GUCY2C: variants seen among roughly 807,000 people sequenced by gnomAD.
GUCY2C encodes guanylate cyclase 2C, also known as guanylyl cyclase C.
A neutral mutation model predicts 131.1 loss-of-function variants in GUCY2C; 118 were observed. The observed-to-expected ratio is 0.90, with a 90% confidence interval of 0.78 to 1.05. GUCY2C has a LOEUF of 1.05. GUCY2C is among the 50% of genes least tolerant of loss of function. The probability of loss-of-function intolerance (pLI) is 0.00; values close to 1 mark genes in which losing one functional copy is unlikely to be tolerated. For missense variants in GUCY2C, 1,161 were observed against 1,304.4 expected, an observed-to-expected ratio of 0.89 and a Z score of 1.69; for synonymous variants, 452 against 457.8, an observed-to-expected ratio of 0.99 and a Z score of 0.16.
chr12:14,695,453 T>C (rs1349897164), intron 1 of GUCY2C, among the ~76,000 whole-genome samples: 2 of 151,632 alleles, frequency 1.3e-5, no homozygotes, highest in Admixed American at 1.3e-4. Flanking sequence ...TACAAAAAAT[T>C]AGCCAGGCAT....
In GUCY2C at chr12:14,620,917, A is replaced by C. The variant is rs148231511; in HGVS notation, c.2776+125T>G. 402 of 745,354 alleles carry C rather than the reference A, an allele frequency of 5.4e-4. 2 individuals are homozygous for C. The African/African-American group carries it at 6.1e-3, about 11-fold the overall frequency. 46.2% of individuals were successfully genotyped at this position (745,354 alleles called of 1,614,324 possible). Reference sequence around the variant, plus strand: ...TGCATAGTGGGACCTCACATTTGGCAAAAAGAATTAAGAGTAAAAATTATG... The same window carrying C: ...TGCATAGTGGGACCTCACATTTGGCCAAAAGAATTAAGAGTAAAAATTATG... On this transcript the variant is annotated intron_variant, in intron 23 of 26. Transcript: ENST00000261170.
rs141417253 is a variant in GUCY2C, at chr12:14,641,200, C to T, written c.1950G>A (p.Glu650=). ...GAGAGATGTTGGCTTGGCGGAGGTG[C>T]TCTGGAGCTGTCCACAGGTCTGTAA... ...PPKKDLWTAP[E]HLRQANISQK... Residue 650 remains glutamate, a synonymous_variant, in exon 18 of 27, where the codon GAG becomes GAA. Transcript: ENST00000261170. The T allele has an allele frequency of 2.5e-6, 4 of 1,613,408 alleles. No individual in the cohort carries two copies. The highest frequency in any genetic ancestry group is 4.5e-5 in the East Asian group (2 of 44,874).
At chr12:14,640,027 A>T in intron 18 of GUCY2C, 77 bp from the exon 19 acceptor site, 2 of 978,874 alleles carry the variant, frequency 2.0e-6, no homozygotes, top group South Asian at 2.6e-5. Context: ...ACAGAAATCC[A>T]GTTGATTCAC....
chr12:14,640,649 C>T (rs982292771), intron 18 of GUCY2C, among the ~76,000 whole-genome samples: 1 of 152,142 alleles, frequency 6.6e-6, no homozygotes, highest in African/African-American at 2.4e-5. Flanking sequence ...GTAATAAATG[C>T]TCAGTAAGTG....
Position 14,641,057 on chromosome 12 carries a change from GA to G in GUCY2C, c.2068+24del, listed in dbSNP as rs1947392056. 7 of 1,610,318 alleles carry G rather than the reference GA, an allele frequency of 4.3e-6. No homozygotes were observed. The Admixed American group carries it at 6.7e-5, about 15-fold the overall frequency. ...AGCAGGTTGGCTCACTCCCAGAGGG[GA>G]CACATGAATGGGTTTAGATGTACCA... On this transcript the variant is annotated intron_variant, in intron 18 of 26. Coordinates refer to ENST00000261170, the MANE Select transcript of GUCY2C (RefSeq NM_004963.4).
rs777615056 is a variant in GUCY2C at position 14,625,926 on chromosome 12, TAATAGATAA to T, written c.2250-20_2250-12del. On this transcript the variant is annotated splice_polypyrimidine_tract_variant and intron_variant, in intron 20 of 26. Coordinates refer to ENST00000261170, the MANE Select transcript of GUCY2C (RefSeq NM_004963.4). ...TGGTCATGAAAAAGTCTGTAGGTAG[TAATAGATAA>T]AGAGCTCTTATATATTATTAAGAAA... The T allele has an allele frequency of 3.8e-6, 6 of 1,559,226 alleles. No homozygotes were observed. The South Asian group carries it at 6.7e-5, about 17-fold the overall frequency.
intron 1 of GUCY2C, among the ~76,000 whole-genome samples, chr12:14,688,667 C>T (rs942828047): frequency 3.9e-5 from 6 of 152,196 alleles, no homozygotes; most frequent in African/African-American, 1.4e-4. Flanking sequence ...CAGCATTGAA[C>T]AAAAGTTCCC....
Position 14,645,241 on chromosome 12 carries a change from A to G in GUCY2C, c.1785T>C (p.Tyr595=), listed in dbSNP as rs1164673592. The change falls in exon 16 of 27, where the codon TAT becomes TAC. Residue 595 remains tyrosine, a synonymous_variant. Transcript: ENST00000261170. ...MDWEFKISVL[Y]DIAKGMSYLH... The stretch of plus-strand genomic sequence containing the variant: ...GTGTTTCTCTTACCTTAGCAATGTC[A>G]TACAAGACAGAGATCTTAAACTCCC... 3.2e-6 allele frequency: 5 copies of G among 1,560,806 alleles called. No homozygotes were observed. Among genetic ancestry groups the G allele is most frequent in the Admixed American group, 1.7e-5 (1 of 59,652 alleles).
chr12:14,624,042 C>T (rs781038251), intron 21 of GUCY2C, among the ~76,000 whole-genome samples: 12 of 152,146 alleles, frequency 7.9e-5, no homozygotes, highest in Middle Eastern at 3.4e-3. Context: ...TGTAAATAAA[C>T]GAAGGAAGGG....
chr12:14,664,530 T>C (rs1947931088), intron 10 of GUCY2C, among the ~76,000 whole-genome samples: 1 of 152,008 alleles, frequency 6.6e-6, no homozygotes, highest in African/African-American at 2.4e-5. Context: ...TTAAATGTAG[T>C]CATTTTTAAT....
chr12:14,668,435 C>T (rs1592130975), intron 10 of GUCY2C, among the ~76,000 whole-genome samples: 1 of 152,100 alleles, frequency 6.6e-6, no homozygotes, highest in South Asian at 2.1e-4. Context: ...TCCCAAAGTG[C>T]TGGGATTACA....
intron 11 of GUCY2C, among the ~76,000 whole-genome samples, chr12:14,657,756 C>A (rs1030380271): frequency 6.6e-6 from 1 of 152,054 alleles, no homozygotes; most frequent in South Asian, 2.1e-4. Context: ...TCAAAACTCT[C>A]CCCACCCCCA....
At position 14,687,946 on chromosome 12, in the gene GUCY2C, C is replaced by T. The variant is rs1347239324; in HGVS notation, c.330+5G>A. The stretch of plus-strand genomic sequence containing the variant: ...TGAGCTGCATCCACAAAAGCAAATA[C>T]TTACTGAAATTTTCCTGAGTAGGTC... On this transcript the variant is annotated splice_donor_5th_base_variant and intron_variant, in intron 2 of 26. Transcript: ENST00000261170. 4.5e-6 allele frequency: 7 copies of T among 1,549,298 alleles called. No homozygotes were observed. Among genetic ancestry groups the T allele is most frequent in the Non-Finnish European group, 6.2e-6 (7 of 1,120,968 alleles).
intron 6 of GUCY2C, among the ~76,000 whole-genome samples, chr12:14,678,597 A>C (rs150491605): frequency 2.6e-5 from 4 of 152,352 alleles, no homozygotes; most frequent in African/African-American, 9.6e-5. Context: ...TGTAGCCATC[A>C]AACAGGCCTG....
chr12:14,696,540 C>G lies in GUCY2C; in HGVS notation c.-92G>C. ...GGCAGGGAATCCAGATGGACAGCCT[C>G]TAGTGGAGTCCCTCAGCCCACTCTT... On this transcript the variant is annotated 5_prime_UTR_variant, in exon 1 of 27. An upstream open reading frame in the 5' UTR loses its in-frame stop. Coordinates refer to ENST00000261170, the MANE Select transcript of GUCY2C (RefSeq NM_004963.4). 1.1e-6 allele frequency: 1 copy of G among 898,744 alleles called. No homozygotes were observed. The highest frequency in any genetic ancestry group is 1.8e-6 in the Non-Finnish European group (1 of 564,438). The allele number at this position is 898,744 out of a possible 1,614,324, so 55.7% of individuals were successfully genotyped here.
At chr12:14,634,732 A>G (rs1002942871) in intron 19 of GUCY2C, among the ~76,000 whole-genome samples, 4 of 152,236 alleles carry the variant, frequency 2.6e-5, no homozygotes, top group Non-Finnish European at 5.9e-5. Context: ...TCTTATCTGT[A>G]AAGAAATATG....
rs897689985 is a variant in GUCY2C at position 14,619,260 on chromosome 12, T to C, written c.2826A>G (p.Leu942=). ...AGGCTGTGTTGACCGTATCTCCAAA[T>C]AGACAATAACGAGGCATCTTGATTC... The part of the protein sequence containing the change: ...VVGIKMPRYC[L]FGDTVNTASR... The change falls in exon 24 of 27, where the codon CTA becomes CTG. Residue 942 remains leucine (L), a synonymous_variant. Coordinates refer to ENST00000261170, the MANE Select transcript of GUCY2C (RefSeq NM_004963.4). 1.2e-6 allele frequency: 2 copies of C among 1,612,920 alleles called. No individual in the cohort carries two copies. The highest frequency in any genetic ancestry group is 2.2e-5 in the East Asian group (1 of 44,878).
At chr12:14,667,787 C>A (rs1476202624) in intron 10 of GUCY2C, among the ~76,000 whole-genome samples, 1 of 152,104 alleles carries the variant, frequency 6.6e-6, no homozygotes. Context: ...AGGATCCCAT[C>A]AGTCAGAGGA....
intron 15 of GUCY2C, among the ~76,000 whole-genome samples, chr12:14,645,560 A>G (rs952175437): frequency 1.6e-4 from 24 of 152,302 alleles, no homozygotes; most frequent in African/African-American, 5.8e-4. Flanking sequence ...CAGTTCTTCC[A>G]TCAGACAGGT....
Sources: gnomAD v4.1 joint callset for allele counts (sites outside exome capture counted in the v4.1 genomes callset) on GRCh38, gnomAD v4.1.1 for gene constraint, MANE v1.5 for transcripts, NCBI Gene and HGNC (gene_info 2026-07-23, HGNC 2026-07-21) for gene names.